The following FAM222B variants were observed in gnomAD, a reference collection of about 807,000 sequenced individuals.
The protein encoded by FAM222B is family with sequence similarity 222 member B, also known as protein FAM222B.
Under a neutral mutation model 38.0 loss-of-function variants are expected in FAM222B, and 12 were observed. That is an observed-to-expected ratio of 0.32 (90% CI 0.20 to 0.51). The LOEUF (loss-of-function observed/expected upper bound fraction) is 0.51. Among genes scored for constraint, FAM222B ranks in the 20% least tolerant of loss-of-function variants. The probability of loss-of-function intolerance (pLI) is 0.97; values close to 1 mark genes in which losing one functional copy is unlikely to be tolerated. For missense variants in FAM222B, 716 were observed against 754.2 expected, an observed-to-expected ratio of 0.95 and a Z score of 0.59; for synonymous variants, 329 against 317.2, an observed-to-expected ratio of 1.04 and a Z score of -0.40.
upstream of FAM222B, among the ~76,000 whole-genome samples, chr17:28,843,657 AGGCT>A (rs1464089328): frequency 1.3e-5 from 2 of 152,058 alleles, no homozygotes; most frequent in African/African-American, 4.8e-5. Flanking sequence ...CATGTTGGCC[AGGCT>A]GGTCTCGAAC....
chr17:28,842,869 CG>C, upstream of FAM222B: 1 of 152,576 alleles, frequency 6.6e-6, no homozygotes. Context: ...CAGCCCCTGC[CG>C]GGGGCGTCTT....
chr17:28,779,737 C>G (rs946494318), intron 1 of FAM222B, among the ~76,000 whole-genome samples: 1 of 150,000 alleles, frequency 6.7e-6, no homozygotes, highest in Non-Finnish European at 1.5e-5. Context: ...GGCGACAGAG[C>G]GAGACTCCGT....
intron 1 of FAM222B, among the ~76,000 whole-genome samples, chr17:28,790,162 G>C (rs1170970856): frequency 2.6e-5 from 4 of 152,050 alleles, no homozygotes; most frequent in Non-Finnish European, 5.9e-5. Flanking sequence ...ATATTTCATT[G>C]AATAAAACAA....
rs1332133271 is a variant in FAM222B, at chr17:28,814,329, C to T, written c.-41+28353G>A. Among the ~76,000 whole-genome samples, 4 of 152,280 alleles carry T rather than the reference C, an allele frequency of 2.6e-5. No individual in the cohort carries two copies. The South Asian group carries it at 8.3e-4, about 32-fold the overall frequency. On this transcript the variant is annotated intron_variant, in intron 1 of 2. Transcript: ENST00000581407. The stretch of plus-strand genomic sequence containing the variant: ...CACTGCTTAATCCCCCCGAACACTA[C>T]TATAATTTAAAACAAAACAAAACTT...
intron 1 of FAM222B, among the ~76,000 whole-genome samples, chr17:28,779,737 C>T (rs946494318): frequency 1.3e-5 from 2 of 150,000 alleles, no homozygotes; most frequent in Non-Finnish European, 3.0e-5. Flanking sequence ...GGCGACAGAG[C>T]GAGACTCCGT....
intron 1 of FAM222B, among the ~76,000 whole-genome samples, chr17:28,820,608 T>C (rs1219878197): frequency 6.6e-6 from 1 of 151,998 alleles, no homozygotes; most frequent in African/African-American, 2.4e-5. Flanking sequence ...TCATTCCTCA[T>C]CTGAACCAAA....
intron 1 of FAM222B, among the ~76,000 whole-genome samples, chr17:28,787,023 C>T (rs1013412073): frequency 2.6e-5 from 4 of 150,980 alleles, no homozygotes; most frequent in African/African-American, 4.9e-5. Context: ...CTCCTGGGTT[C>T]ACGCCATTCT....
chr17:28,828,984 C>T (rs2038548728), intron 1 of FAM222B, among the ~76,000 whole-genome samples: 1 of 152,074 alleles, frequency 6.6e-6, no homozygotes, highest in South Asian at 2.1e-4. Flanking sequence ...CGGCTCACTG[C>T]AACCTCCGAC....
At position 28,809,410 on chromosome 17, in the gene FAM222B, C is replaced by A. The variant is rs2037640989; in HGVS notation, c.-41+33272G>T. ...ATGAAATAAGCAGGTTGGATAAAAA[C>A]AGACTGCTAAAGAAAATTAAATCAA... On this transcript the variant is annotated intron_variant, in intron 1 of 2. Transcript: ENST00000581407. Among the ~76,000 whole-genome samples the A allele has an allele frequency of 2.7e-5, 4 of 149,532 alleles. No homozygotes were observed. The East Asian group carries it at 5.9e-4, about 22-fold the overall frequency.
At chr17:28,839,498 A>AAC (rs2038960442) in intron 1 of FAM222B, among the ~76,000 whole-genome samples, 1 of 152,214 alleles carries the variant, frequency 6.6e-6, no homozygotes, top group African/African-American at 2.4e-5. Context: ...CTATTATTTT[A>AAC]ACATAACATG....
At chr17:28,854,550 C>A (rs1434996432) in intron 1 of FAM222B, among the ~76,000 whole-genome samples, 3 of 152,184 alleles carry the variant, frequency 2.0e-5, no homozygotes, top group East Asian at 3.8e-4. Flanking sequence ...CCGGGGCCAC[C>A]GCTGACCTCT....
Position 28,791,645 on chromosome 17 carries a change from T to C in FAM222B, c.-40-24938A>G, listed in dbSNP as rs560816494. ...ACTGCAATCCCAGCTCTTTGGGAGA[T>C]TGAGTCAGGAGAATCACTTGAGCCC... On this transcript the variant is annotated intron_variant, in intron 1 of 2. Coordinates refer to ENST00000581407, the MANE Select transcript of FAM222B (RefSeq NM_001077498.3). Among the ~76,000 whole-genome samples, 33 of 150,310 alleles carry C rather than the reference T, an allele frequency of 2.2e-4. No individual in the cohort carries two copies. In the South Asian group the frequency reaches 2.5e-3, roughly 12 times the overall value.
intron 1 of FAM222B, among the ~76,000 whole-genome samples, chr17:28,795,154 T>C (rs1008180268): frequency 3.3e-5 from 5 of 151,960 alleles, no homozygotes; most frequent in Non-Finnish European, 5.9e-5. Context: ...CAGTGTCCTA[T>C]TGATTTCCTT....
intron 1 of FAM222B, among the ~76,000 whole-genome samples, chr17:28,806,378 G>A (rs1476037380): frequency 6.6e-6 from 1 of 152,052 alleles, no homozygotes; most frequent in Non-Finnish European, 1.5e-5. Context: ...CAGTTAGGCC[G>A]CAATGTAACA....
chr17:28,835,024 T>TTGTGTG (rs61229770), intron 1 of FAM222B, among the ~76,000 whole-genome samples: 8,082 of 131,984 alleles, frequency 0.061, 295 homozygotes, highest in Non-Finnish European at 0.075. Flanking sequence ...TCAGCTAATT[T>TTGTGTG]TGTGTGTGTG....
chr17:28,803,068 G>A (rs2043259020), intron 1 of FAM222B, among the ~76,000 whole-genome samples: 1 of 151,950 alleles, frequency 6.6e-6, no homozygotes, highest in Non-Finnish European at 1.5e-5. Flanking sequence ...GAGTACAGTG[G>A]TGCAATCTCG....
In FAM222B at chr17:28,840,831, C is replaced by T. The variant is rs574505915; in HGVS notation, c.-41+1851G>A. Among the ~76,000 whole-genome samples the T allele has an allele frequency of 1.2e-4, 18 of 151,818 alleles. 1 individual carries two copies. The East Asian group carries it at 3.1e-3, about 26-fold the overall frequency. ...CAAAAATTAGCCGGGTATGGTGGCA[C>T]GTGCCTATAATCCCAGGTACTAGGG... On this transcript the variant is annotated intron_variant, in intron 1 of 2. Coordinates refer to ENST00000581407, the MANE Select transcript of FAM222B (RefSeq NM_001077498.3).
intron 1 of FAM222B, among the ~76,000 whole-genome samples, chr17:28,810,047 A>G (rs1267603261): frequency 6.6e-6 from 1 of 151,718 alleles, no homozygotes; most frequent in Admixed American, 6.6e-5. Flanking sequence ...CCCAGGTTGG[A>G]GTGCAGTGGT....
chr17:28,847,058 T>C (rs2039150004), upstream of FAM222B, among the ~76,000 whole-genome samples: 2 of 151,428 alleles, frequency 1.3e-5, no homozygotes, highest in Admixed American at 6.6e-5. Context: ...ACCCCATCTC[T>C]ACTAAAAATA....
Sources: allele counts gnomAD v4.1 joint callset (sites outside exome capture counted in the v4.1 genomes callset), GRCh38; gene constraint gnomAD v4.1.1; transcripts MANE v1.5; gene names NCBI Gene and HGNC (gene_info 2026-07-23, HGNC 2026-07-21).